The following TENM3 variants were observed in gnomAD, a reference collection of about 807,000 sequenced individuals.
TENM3 encodes the protein teneurin transmembrane protein 3, also known as teneurin-3.
Under a neutral mutation model 255.1 loss-of-function variants are expected in TENM3, and 63 were observed. The observed-to-expected ratio is 0.25, with a 90% CI of 0.20 to 0.30. The LOEUF (loss-of-function observed/expected upper bound fraction) is 0.30. Among genes scored for constraint, TENM3 ranks in the 10% least tolerant of loss-of-function variants. TENM3 has a pLI of 1.00. For missense variants in TENM3, 2,929 were observed against 3,461.1 expected, an observed-to-expected ratio of 0.85 and a Z score of 3.86; for synonymous variants, 1,306 against 1,322.3, an observed-to-expected ratio of 0.99 and a Z score of 0.27.
the TENM3 span, among the ~76,000 whole-genome samples, chr4:182,100,650 CATATAT>C: frequency 4.0e-3 from 143 of 35,436 alleles, 1 homozygote; most frequent in South Asian, 5.7e-3. Context: ...TATATATACA[CATATAT>C]ACACATATAT....
At chr4:182,327,024 C>A (rs969683094) in intron 2 of TENM3, among the ~76,000 whole-genome samples, 1 of 152,014 alleles carries the variant, frequency 6.6e-6, no homozygotes, top group African/African-American at 2.4e-5. Flanking sequence ...GTATTTGTAG[C>A]GGGAGTGGTA....
At chr4:181,581,103 C>T in the TENM3 span, among the ~76,000 whole-genome samples, 1 of 152,004 alleles carries the variant, frequency 6.6e-6, no homozygotes, top group Non-Finnish European at 1.5e-5. Context: ...AAGTGCAGCC[C>T]CAGGAAAATA....
chr4:181,901,245 C>T, the TENM3 span, among the ~76,000 whole-genome samples: 1 of 152,294 alleles, frequency 6.6e-6, no homozygotes, highest in Admixed American at 6.5e-5. Flanking sequence ...AATCACATGG[C>T]CAAAGTCACC....
chr4:182,140,710 C>A (rs2149531921), upstream of TENM3, among the ~76,000 whole-genome samples: 1 of 152,306 alleles, frequency 6.6e-6, no homozygotes, highest in South Asian at 2.1e-4. Context: ...GCAAGAGGCA[C>A]AAACAGCTGC....
chr4:181,806,270 G>C, the TENM3 span, among the ~76,000 whole-genome samples: 9 of 152,146 alleles, frequency 5.9e-5, no homozygotes, highest in Non-Finnish European at 5.9e-5. Flanking sequence ...TGCGTTTACT[G>C]TAGTTACATC....
At chr4:181,798,816 G>A in the TENM3 span, among the ~76,000 whole-genome samples, 1 of 152,060 alleles carries the variant, frequency 6.6e-6, no homozygotes, top group Non-Finnish European at 1.5e-5. Flanking sequence ...CTTTTCTGCT[G>A]GGCTAATAAA....
intron 16 of TENM3, among the ~76,000 whole-genome samples, chr4:182,731,940 C>G (rs1276086458): frequency 6.6e-6 from 1 of 151,868 alleles, no homozygotes; most frequent in Non-Finnish European, 1.5e-5. Context: ...TGCCACCAAG[C>G]CAAGCTAATT....
chr4:181,749,266 A>G, the TENM3 span, among the ~76,000 whole-genome samples: 3 of 152,088 alleles, frequency 2.0e-5, no homozygotes, highest in African/African-American at 7.2e-5. Flanking sequence ...ACTCTAACAT[A>G]AATCTTCCTG....
chr4:182,546,483 C>T (rs1380054770), intron 3 of TENM3, among the ~76,000 whole-genome samples: 1 of 151,982 alleles, frequency 6.6e-6, no homozygotes, highest in Non-Finnish European at 1.5e-5. Context: ...TTTATCCAGA[C>T]TGGAGTTTGT....
chr4:182,284,815 C>T (rs375596269), intron 1 of TENM3, among the ~76,000 whole-genome samples: 1 of 152,012 alleles, frequency 6.6e-6, no homozygotes, highest in African/African-American at 2.4e-5. Flanking sequence ...GTGGTGGCGG[C>T]GATAGAGGAG....
chr4:182,276,703 T>G (rs1579989288), intron 1 of TENM3, among the ~76,000 whole-genome samples: 1 of 152,352 alleles, frequency 6.6e-6, no homozygotes, highest in Admixed American at 6.5e-5. Flanking sequence ...TCAGTGAAAA[T>G]TATCAGCTGA....
intron 12 of TENM3, among the ~76,000 whole-genome samples, chr4:182,704,544 G>A (rs1211895948): frequency 6.6e-6 from 1 of 152,158 alleles, no homozygotes; most frequent in Non-Finnish European, 1.5e-5. Context: ...ATTTTTCTGG[G>A]CTGACTTAAA....
chr4:181,520,999 T>C, the TENM3 span, among the ~76,000 whole-genome samples: 2 of 152,204 alleles, frequency 1.3e-5, no homozygotes, highest in African/African-American at 2.4e-5. Context: ...GCATGCCACA[T>C]GTGTTCCTCT....
intron 1 of TENM3, among the ~76,000 whole-genome samples, chr4:182,196,732 G>A (rs1398326193): frequency 6.6e-6 from 1 of 152,146 alleles, no homozygotes; most frequent in Non-Finnish European, 1.5e-5. Context: ...GATCATTAAA[G>A]TTTTTCTTTT....
intron 1 of TENM3, among the ~76,000 whole-genome samples, chr4:182,305,343 T>G (rs1762074338): frequency 6.6e-6 from 1 of 152,226 alleles, no homozygotes; most frequent in African/African-American, 2.4e-5. Context: ...ACTAATTGCA[T>G]TATAATTGGA....
At chr4:182,294,988 T>TA (rs1267525531) in intron 1 of TENM3, among the ~76,000 whole-genome samples, 3 of 142,470 alleles carry the variant, frequency 2.1e-5, no homozygotes, top group Non-Finnish European at 4.5e-5. Context: ...TAATGGCCCA[T>TA]AAAATGTTGA....
At chr4:182,521,254 G>A (rs375450439) in intron 3 of TENM3, among the ~76,000 whole-genome samples, 22 of 152,170 alleles carry the variant, frequency 1.4e-4, no homozygotes, top group African/African-American at 5.3e-4. Context: ...CTTCAGAGAA[G>A]CAACTTGATG....
At chr4:181,810,020 C>T in the TENM3 span, among the ~76,000 whole-genome samples, 1 of 152,128 alleles carries the variant, frequency 6.6e-6, no homozygotes, top group East Asian at 1.9e-4. Flanking sequence ...AGTCACTAAG[C>T]TTGTGATAAT....
chr4:182,414,251 T>A (rs918248318), intron 3 of TENM3, among the ~76,000 whole-genome samples: 10 of 152,332 alleles, frequency 6.6e-5, no homozygotes, highest in African/African-American at 2.4e-4. Flanking sequence ...GAGTGGACTT[T>A]TTTGAAATCA....
Sources: gnomAD v4.1 joint callset for allele counts (sites outside exome capture counted in the v4.1 genomes callset) on GRCh38, gnomAD v4.1.1 for gene constraint, MANE v1.5 for transcripts, NCBI Gene and HGNC (gene_info 2026-07-23, HGNC 2026-07-21) for gene names.